The following ANKRD60 variants were observed in gnomAD, a reference collection of about 807,000 sequenced individuals.
ANKRD60 encodes the protein ankyrin repeat domain-containing protein 60.
A neutral mutation model predicts 21.3 loss-of-function variants in ANKRD60; 24 were observed. The ratio of observed to expected loss-of-function variants is 1.13; its 90% CI spans 0.82 to 1.59. ANKRD60 has a LOEUF of 1.59. ANKRD60 is among the 40% of genes most tolerant of loss of function. The probability of loss-of-function intolerance (pLI) is 0.00; values close to 1 mark genes in which losing one functional copy is unlikely to be tolerated. For synonymous variants in ANKRD60, 182 were observed against 199.4 expected, an observed-to-expected ratio of 0.91 and a Z score of 0.74; for missense variants, 490 against 466.7, an observed-to-expected ratio of 1.05 and a Z score of -0.46.
At chr20:58,220,140 G>A (rs1055643287) in intron 3 of ANKRD60, among the ~76,000 whole-genome samples, 1 of 152,208 alleles carries the variant, frequency 6.6e-6, no homozygotes, top group Non-Finnish European at 1.5e-5. Context: ...AAAGAAAGGG[G>A]TCTAATTTGG....
At chr20:58,225,893 C>G (rs536154855) in intron 1 of ANKRD60, among the ~76,000 whole-genome samples, 1 of 152,118 alleles carries the variant, frequency 6.6e-6, no homozygotes, top group Admixed American at 6.6e-5. Context: ...TGTAGGGAAT[C>G]GGGATAGGGA....
Position 58,221,396 on chromosome 20 carries a change from C to T in ANKRD60, c.669G>A (p.Ala223=), listed in dbSNP as rs551836964. The T allele has an allele frequency of 8.4e-5, 130 of 1,552,392 alleles. No individual in the cohort carries two copies. The African/African-American group carries it at 8.7e-4, about 10-fold the overall frequency. The stretch of plus-strand genomic sequence containing the variant: ...GGCCTCTGTGTGAGGCCACATACAA[C>T]GCCACAAACGCCCTCTGAGACGTCC... The change falls in exon 3 of 4, where the codon GCG becomes GCA. Residue 223 remains alanine, a synonymous_variant. Transcript: ENST00000457363.
At chr20:58,220,728 G>C in intron 3 of ANKRD60, among the ~76,000 whole-genome samples, 1 of 129,746 alleles carries the variant, frequency 7.7e-6, no homozygotes, top group Non-Finnish European at 1.7e-5. Context: ...GTGTGTGTGT[G>C]TTGTAGTCTC....
intron 3 of ANKRD60, 111 bp downstream of exon 3, chr20:58,221,225 GAC>G: frequency 8.4e-7 from 1 of 1,197,336 alleles, no homozygotes; most frequent in South Asian, 1.6e-5. Flanking sequence ...TGGCTGACAA[GAC>G]ACAGGTCCAG....
At chr20:58,218,553 G>T (rs1333956979) in exon 4 of ANKRD60, 7 of 1,551,624 alleles carry the variant, frequency 4.5e-6, no homozygotes, top group Non-Finnish European at 1.7e-6. Flanking sequence ...CCTCTGCAAA[G>T]CATTCTTCAT....
At chr20:58,222,168 G>A (rs1358621614) in intron 2 of ANKRD60, among the ~76,000 whole-genome samples, 1 of 152,186 alleles carries the variant, frequency 6.6e-6, no homozygotes, top group East Asian at 1.9e-4. Context: ...GTAAGAGCCA[G>A]AAAACCAAGC....
chr20:58,223,568 A>G (rs1369302060), intron 1 of ANKRD60, among the ~76,000 whole-genome samples: 1 of 152,246 alleles, frequency 6.6e-6, no homozygotes, highest in Admixed American at 6.5e-5. Context: ...TACAAATCAT[A>G]TAGGGTAAAC....
Position 58,228,090 on chromosome 20 carries a change from G to T in ANKRD60, c.430+134C>A. ...AGTGGCCCTTCCATCTGGGTTTCAG[G>T]GTGGTTGGGTTTCAGGGGTTTGCTT... On this transcript the variant is annotated intron_variant, in intron 1 of 3. Coordinates refer to ENST00000457363, the Ensembl canonical transcript of ANKRD60. This position sits in a 1 kb window ranked among gnomAD's most constrained non-coding sequence, Gnocchi z 5.3. The T allele has an allele frequency of 2.3e-6, 2 of 881,924 alleles. No individual in the cohort carries two copies. The highest frequency in any genetic ancestry group is 3.4e-5 in the African/African-American group (2 of 58,376). 54.6% of individuals were successfully genotyped at this position (881,924 alleles called of 1,614,324 possible).
chr20:58,228,416 G>A lies in ANKRD60; in HGVS notation c.238C>T (p.Pro80Ser). 6.5e-7 allele frequency: 1 copy of A among 1,542,316 alleles called. No individual in the cohort carries two copies. The highest frequency in any genetic ancestry group is 8.7e-7 in the Non-Finnish European group (1 of 1,146,192). The change falls in exon 1 of 4, where the codon CCG (proline) becomes TCG (serine). Residue 80 changes from proline to serine, a missense_variant. Pro to Ser is a moderately conservative substitution (Grantham distance 74). Coordinates refer to ENST00000457363, the Ensembl canonical transcript of ANKRD60. This position sits in a 1 kb window ranked among gnomAD's most constrained non-coding sequence, Gnocchi z 5.3. ...TCGGGCAAGGCACTCGCGGCCTTCG[G>A]GTCACAGACGAGCCGCTGGCTCCGG...
intron 2 of ANKRD60, among the ~76,000 whole-genome samples, chr20:58,221,813 G>A (rs533231949): frequency 2.6e-5 from 4 of 152,296 alleles, no homozygotes; most frequent in Admixed American, 2.6e-4. Context: ...ACAGGAAGGT[G>A]GTTGAAGCCA....
intron 3 of ANKRD60, among the ~76,000 whole-genome samples, chr20:58,219,801 T>C (rs1260710937): frequency 6.6e-6 from 1 of 152,216 alleles, no homozygotes; most frequent in South Asian, 2.1e-4. Flanking sequence ...CAGAAAACTT[T>C]GCAAAGCTGG....
chr20:58,221,188 G>A (rs1047884962), intron 3 of ANKRD60, 150 bp downstream of exon 3: 34 of 789,166 alleles, frequency 4.3e-5, no homozygotes, highest in South Asian at 5.8e-5. Flanking sequence ...GACAGGGAGT[G>A]AGTGGCACCA....
exon 3 of ANKRD60, chr20:58,221,461 C>T (rs760851192): frequency 1.0e-5 from 16 of 1,551,732 alleles, no homozygotes; most frequent in African/African-American, 5.5e-5. Flanking sequence ...TCTGAATTTG[C>T]GGTTCGGTAG....
At chr20:58,227,248 C>G (rs73308816) in intron 1 of ANKRD60, among the ~76,000 whole-genome samples, 2,411 of 152,240 alleles carry the variant, frequency 0.016, 63 homozygotes, top group African/African-American at 0.056. Context: ...ACCTCTTTGC[C>G]TGGACACAGT....
At chr20:58,220,489 C>CAGAGAGAGAGAGAGAG (rs11469843) in intron 3 of ANKRD60, among the ~76,000 whole-genome samples, 91 of 144,370 alleles carry the variant, frequency 6.3e-4, no homozygotes, top group Admixed American at 1.4e-3. Context: ...TCAAGAGAGC[C>CAGAGAGAGAGAGAGAG]AGAGAGAGAG....
In ANKRD60 at chr20:58,228,239, G is replaced by A. The variant is rs1435784903; in HGVS notation, c.415C>T (p.Gln139Ter). The stretch of plus-strand genomic sequence containing the variant: ...CAGGAGCCACCTTCGTCGAGGTACT[G>A]GAGCCGCTGGAGGTTGAAGGGGATG... Residue 139 changes from glutamine to a stop codon, truncating the protein, a stop_gained, in exon 1 of 4, where the codon CAG (glutamine) becomes TAG (stop). Transcript: ENST00000457363. LOFTEE classifies it high-confidence loss of function. This position sits in a 1 kb window ranked among gnomAD's most constrained non-coding sequence, Gnocchi z 5.3. 2 of 1,549,670 alleles carry A rather than the reference G, an allele frequency of 1.3e-6. No individual in the cohort carries two copies. Among genetic ancestry groups the A allele is most frequent in the Non-Finnish European group, 1.7e-6 (2 of 1,145,834 alleles).
downstream of ANKRD60, chr20:58,218,416 C>T: frequency 7.2e-7 from 1 of 1,380,672 alleles, no homozygotes; most frequent in East Asian, 2.5e-5. Flanking sequence ...TGCCTCCCTG[C>T]TCACCAAGGG....
At chr20:58,216,723 G>A (rs1479617616), downstream of ANKRD60, among the ~76,000 whole-genome samples, 2 of 152,212 alleles carry the variant, frequency 1.3e-5, no homozygotes, top group Non-Finnish European at 2.9e-5. Flanking sequence ...AGCAGGAAAT[G>A]CAGCCAGTTA....
downstream of ANKRD60, among the ~76,000 whole-genome samples, chr20:58,216,931 A>AG (rs1984148093): frequency 6.6e-6 from 1 of 152,246 alleles, no homozygotes; most frequent in African/African-American, 2.4e-5. Flanking sequence ...CCCACACGCC[A>AG]CCCAGTAAGA....
Sources: allele counts gnomAD v4.1 joint callset (sites outside exome capture counted in the v4.1 genomes callset), GRCh38; gene constraint gnomAD v4.1.1; non-coding constraint Gnocchi (gnomAD v3.1); transcripts MANE v1.5; gene names NCBI Gene and HGNC (gene_info 2026-07-23, HGNC 2026-07-21).